Variants in PPRC1 observed in about 807,000 individuals in gnomAD.
PPRC1 encodes peroxisome proliferator-activated receptor gamma coactivator-related protein 1.
A neutral mutation model predicts 132.5 loss-of-function variants in PPRC1; 23 were observed. The ratio of observed to expected loss-of-function variants is 0.17; its 90% CI spans 0.12 to 0.25. PPRC1 has a LOEUF of 0.25. Among genes scored for constraint, PPRC1 ranks in the 10% least tolerant of loss-of-function variants. The probability of loss-of-function intolerance (pLI) is 1.00; values close to 1 mark genes in which losing one functional copy is unlikely to be tolerated. For synonymous variants in PPRC1, 872 were observed against 833.5 expected, an observed-to-expected ratio of 1.05 and a Z score of -0.80; for missense variants, 2,006 against 2,089.1, an observed-to-expected ratio of 0.96 and a Z score of 0.78.
At chr10:102,127,798 C>A in the PPRC1 span, among the ~76,000 whole-genome samples, 2 of 151,782 alleles carry the variant, frequency 1.3e-5, no homozygotes, top group African/African-American at 4.8e-5. Flanking sequence ...GCAATCTGCC[C>A]ATCTCGGCCT....
At chr10:102,120,630 C>T in the PPRC1 span, among the ~76,000 whole-genome samples, 1 of 152,144 alleles carries the variant, frequency 6.6e-6, no homozygotes, top group Non-Finnish European at 1.5e-5. Flanking sequence ...CGGCGAGGGG[C>T]TGGGAGCGCT....
upstream of PPRC1, among the ~76,000 whole-genome samples, chr10:102,130,980 CAA>C (rs1482592673): frequency 6.6e-6 from 1 of 151,870 alleles, no homozygotes; most frequent in East Asian, 1.9e-4. Context: ...ATCACGAGGT[CAA>C]GAGATCGAGA....
At chr10:102,127,330 C>T in the PPRC1 span, among the ~76,000 whole-genome samples, 4 of 151,828 alleles carry the variant, frequency 2.6e-5, no homozygotes, top group Non-Finnish European at 5.9e-5. Flanking sequence ...GCTGAGACCA[C>T]GCCACTGCAC....
At chr10:102,146,648 C>A (rs762539681) in intron 8 of PPRC1, 24 bp from the exon 9 acceptor site, 28 of 1,584,216 alleles carry the variant, frequency 1.8e-5, no homozygotes, top group Non-Finnish European at 2.3e-5. Context: ...ATCCTGCTAT[C>A]TCCATCCTCC....
chr10:102,131,749 C>G (rs78667688), upstream of PPRC1, among the ~76,000 whole-genome samples: 2 of 152,190 alleles, frequency 1.3e-5, no homozygotes, highest in African/African-American at 4.8e-5. Flanking sequence ...CCTCCACCTC[C>G]TGGGTTCAAG....
chr10:102,120,799 G>T, the PPRC1 span, among the ~76,000 whole-genome samples: 1 of 152,176 alleles, frequency 6.6e-6, no homozygotes, highest in Non-Finnish European at 1.5e-5. Flanking sequence ...GCCGGAGCGG[G>T]AGCCGCGGCT....
In PPRC1 at chr10:102,141,521, G is replaced by T; in HGVS notation, c.3013G>T (p.Ala1005Ser). 1 of 1,613,984 alleles carries T rather than the reference G, an allele frequency of 6.2e-7. No individual in the cohort carries two copies. ...TGTTCCCCCACCTCCTTTGCCTCCA[G>T]CCTCCATTGGGAGAGCTGTTCCCCA... The part of the protein sequence containing the change: ...STVPPPPLPP[A>S]SIGRAVPQPK... Residue 1005 changes from alanine to serine, a missense_variant, in exon 5 of 14, where the codon GCC becomes TCC. Ala to Ser is a moderately conservative substitution (Grantham distance 99, BLOSUM62 1). This residue lies in a region of PPRC1 where 1,914 missense variants were observed against 1,917.2 expected (regional missense o/e 1.00). Coordinates refer to ENST00000278070, the MANE Select transcript of PPRC1 (RefSeq NM_015062.5).
rs2068840156 is a variant in PPRC1, at chr10:102,139,153, A to T, written c.645A>T (p.Leu215Phe). The T allele has an allele frequency of 6.2e-7, 1 of 1,612,566 alleles. No homozygotes were observed. The highest frequency in any genetic ancestry group is 1.3e-5 in the African/African-American group (1 of 74,854). ...PSWDFSPPSF[L>F]ETSSPKLPSW... ...GGGACTTCTCCCCACCCTCTTTCTTAGAGACCTCTTCCCCCAAGCTTCCTA... is the reference window on the plus strand; with the variant it reads ...GGGACTTCTCCCCACCCTCTTTCTTTGAGACCTCTTCCCCCAAGCTTCCTA... The change falls in exon 5 of 14, where the codon TTA becomes TTT. Residue 215 changes from leucine (L) to phenylalanine (F), a missense_variant. Coordinates refer to ENST00000278070, the MANE Select transcript of PPRC1 (RefSeq NM_015062.5).
rs762262681 is a variant in PPRC1, at chr10:102,144,324, G to C, written c.3608+17G>C. On this transcript the variant is annotated intron_variant, in intron 7 of 13. Transcript: ENST00000278070. ...AAACTCAGGGTAAGTATGGAGACAT[G>C]AGCGAGTTACCCTACAGCTGTTAGT... 1.2e-5 allele frequency: 19 copies of C among 1,611,790 alleles called. No homozygotes were observed. The highest frequency in any genetic ancestry group is 1.6e-5 in the Non-Finnish European group (19 of 1,178,910).
intron 8 of PPRC1, 123 bp downstream of exon 8, chr10:102,145,213 A>G: frequency 1.1e-6 from 1 of 914,550 alleles, no homozygotes; most frequent in South Asian, 1.8e-5. Flanking sequence ...GCCTTGAGAT[A>G]CTCACAGTCT....
chr10:102,136,721 TC>T (rs2068736481), intron 1 of PPRC1, among the ~76,000 whole-genome samples: 1 of 152,202 alleles, frequency 6.6e-6, no homozygotes, highest in Admixed American at 6.5e-5. Flanking sequence ...GTTTCAGGCA[TC>T]TACTGGGGAT....
intron 6 of PPRC1, among the ~76,000 whole-genome samples, chr10:102,143,923 A>G (rs1218034127): frequency 6.6e-6 from 1 of 152,250 alleles, no homozygotes; most frequent in Non-Finnish European, 1.5e-5. Flanking sequence ...GGCAAAATAG[A>G]AAATGTGATT....
rs745622745 is a variant in PPRC1 at position 102,139,170 on chromosome 10, A to G, written c.662A>G (p.Lys221Arg). 6.2e-7 allele frequency: 1 copy of G among 1,613,684 alleles called. No homozygotes were observed. The highest frequency in any genetic ancestry group is 1.7e-5 in the Admixed American group (1 of 59,998). ...PPSFLETSSP[K>R]LPSWRPPRSR... ...TCTTTCTTAGAGACCTCTTCCCCCA[A>G]GCTTCCTAGCTGGAGACCCCCAAGA... is the stretch of plus-strand genomic sequence containing the variant. Residue 221 changes from lysine to arginine, a missense_variant, in exon 5 of 14, where the codon AAG (lysine) becomes AGG (arginine). Transcript: ENST00000278070.
chr10:102,144,858 TCA>T, intron 7 of PPRC1, 160 bp from the exon 8 acceptor site: 1 of 632,354 alleles, frequency 1.6e-6, no homozygotes, highest in African/African-American at 1.8e-5. Flanking sequence ...AATTTGTAGT[TCA>T]GTCAATAAGA....
intron 6 of PPRC1, among the ~76,000 whole-genome samples, chr10:102,143,306 G>C (rs757157110): frequency 1.3e-5 from 2 of 151,974 alleles, no homozygotes; most frequent in African/African-American, 2.4e-5. Flanking sequence ...TTAAAGAGTA[G>C]ACTGGGAATC....
chr10:102,143,105 G>A lies in PPRC1; in HGVS notation c.3550+7G>A. 5 of 1,611,328 alleles carry A rather than the reference G, an allele frequency of 3.1e-6. No homozygotes were observed. Among genetic ancestry groups the A allele is most frequent in the Non-Finnish European group, 4.2e-6 (5 of 1,177,534 alleles). On this transcript the variant is annotated splice_region_variant and intron_variant, in intron 6 of 13. Coordinates refer to ENST00000278070, the MANE Select transcript of PPRC1 (RefSeq NM_015062.5). The stretch of plus-strand genomic sequence containing the variant: ...CAGTTTGAGAAATCAGAAGGTGAGG[G>A]AACATGGGTAGTTTTGCTCCAACTC...
intron 6 of PPRC1, 56 bp from the exon 7 acceptor site, chr10:102,144,194 G>GAA (rs2069119969): frequency 1.3e-6 from 2 of 1,560,290 alleles, no homozygotes; most frequent in South Asian, 2.2e-5. Context: ...GCCCTTCTGT[G>GAA]CCGCCTCAGT....
At chr10:102,133,909 C>A (rs930508910) in intron 1 of PPRC1, among the ~76,000 whole-genome samples, 4 of 151,348 alleles carry the variant, frequency 2.6e-5, no homozygotes, top group Admixed American at 6.6e-5. Context: ...CTGCTTGGGT[C>A]CGCAACGTCT....
the PPRC1 span, among the ~76,000 whole-genome samples, chr10:102,121,041 C>G: frequency 6.6e-6 from 1 of 152,164 alleles, no homozygotes; most frequent in Non-Finnish European, 1.5e-5. Flanking sequence ...TTAACCACTC[C>G]TCCTTTGCCT....
Sources: gnomAD v4.1 joint callset for allele counts (sites outside exome capture counted in the v4.1 genomes callset) on GRCh38, gnomAD v4.1.1 for gene constraint, gnomAD v4.1.1 regional missense constraint, MANE v1.5 for transcripts, NCBI Gene and HGNC (gene_info 2026-07-23, HGNC 2026-07-21) for gene names.